OR2AG2: variants seen among roughly 807,000 people sequenced by gnomAD.
OR2AG2 encodes the protein olfactory receptor family 2 subfamily AG member 2, also known as olfactory receptor 2AG2.
For missense variants in OR2AG2, 390 were observed against 391.9 expected, an observed-to-expected ratio of 1.00 and a Z score of 0.04; for synonymous variants, 167 against 157.1, an observed-to-expected ratio of 1.06 and a Z score of -0.47.
Position 6,765,641 on chromosome 11 carries a change from G to C in OR2AG2, c.*2366C>G, listed in dbSNP as rs540956505. On this transcript the variant is annotated 3_prime_UTR_variant, in exon 2 of 2. Transcript: ENST00000641124. ...ATGATCTCATTTATATGCAGAACCT[G>C]TAAGCTGAATTTACAGAAACAGAGA... 1 of 152,200 alleles carries C rather than the reference G, an allele frequency of 6.6e-6. No individual in the cohort carries two copies. The highest frequency in any genetic ancestry group is 2.1e-4 in the South Asian group (1 of 4,818). The allele number at this position is 152,200 out of a possible 1,614,324, so 9.4% of individuals were successfully genotyped here.
chr11:6,768,281 A>G lies in OR2AG2; in HGVS notation c.677T>C (p.Leu226Pro). 1 of 1,614,118 alleles carries G rather than the reference A, an allele frequency of 6.2e-7. No individual in the cohort carries two copies. Among genetic ancestry groups the G allele is most frequent in the East Asian group, 2.2e-5 (1 of 44,848 alleles). The change falls in exon 2 of 2, where the codon CTT becomes CCT. Residue 226 changes from leucine to proline, a missense_variant. By Grantham distance (98) the Leu-to-Pro change is moderately conservative (BLOSUM62 -3). Transcript: ENST00000641124. ...ASYTLVLFTV[L>P]RMPSNEGRKK... ...CCTCCCCTCATTTGATGGCATACGAAGCACAGTGAATAGGACTAGTGTGTA... is the reference window on the plus strand; with the variant it reads ...CCTCCCCTCATTTGATGGCATACGAGGCACAGTGAATAGGACTAGTGTGTA...
At chr11:6,771,191 TG>T (rs1408301884) in intron 1 of OR2AG2, among the ~76,000 whole-genome samples, 1 of 152,260 alleles carries the variant, frequency 6.6e-6, no homozygotes, top group Non-Finnish European at 1.5e-5. Context: ...ATTTATTTTT[TG>T]TATTTACTTC....
rs1479567080 is a variant in OR2AG2, at chr11:6,766,604, T to C, written c.*1403A>G. 6.6e-6 allele frequency: 1 copy of C among 152,168 alleles called. No homozygotes were observed. The highest frequency in any genetic ancestry group is 1.9e-4 in the East Asian group (1 of 5,208). The allele number at this position is 152,168 out of a possible 1,614,324, so 9.4% of individuals were successfully genotyped here. ...ATTGTGTTTTGACAAAGCACTATTC[T>C]CAAGAATAATAACACCTATGTAAGC... On this transcript the variant is annotated 3_prime_UTR_variant, in exon 2 of 2. Transcript: ENST00000641124.
At chr11:6,770,429 G>A (rs573743390) in intron 1 of OR2AG2, among the ~76,000 whole-genome samples, 4 of 152,024 alleles carry the variant, frequency 2.6e-5, no homozygotes, top group Non-Finnish European at 4.4e-5. Flanking sequence ...GGATGGTACC[G>A]TGAAAGTCAG....
Position 6,767,708 on chromosome 11 carries a change from A to T in OR2AG2, c.*299T>A. ...CATGTCTACTTGGTAATGTGTCAGG[A>T]CGATGCCTACCACAGAGTGAGTCTA... On this transcript the variant is annotated 3_prime_UTR_variant, in exon 2 of 2. Transcript: ENST00000641124. The T allele has an allele frequency of 2.8e-6, 1 of 357,354 alleles. No homozygotes were observed. The highest frequency in any genetic ancestry group is 5.0e-6 in the Non-Finnish European group (1 of 198,650). 22.1% of individuals were successfully genotyped at this position (357,354 alleles called of 1,614,324 possible).
chr11:6,769,749 G>A (rs1378812195), intron 1 of OR2AG2, among the ~76,000 whole-genome samples: 1 of 152,106 alleles, frequency 6.6e-6, no homozygotes, highest in Non-Finnish European at 1.5e-5. Flanking sequence ...CGTTACCTGT[G>A]AGCCACAGCA....
Position 6,769,083 on chromosome 11 carries a change from T to G in OR2AG2, c.-126A>C. ...GGCCAATAGGAATCCCATAATATGA[T>G]ATATTTTCCATTTCTTAGTATGCCT... On this transcript the variant is annotated 5_prime_UTR_variant, in exon 2 of 2. Transcript: ENST00000641124. 2 of 610,734 alleles carry G rather than the reference T, an allele frequency of 3.3e-6. No homozygotes were observed. The highest frequency in any genetic ancestry group is 2.8e-6 in the Non-Finnish European group (1 of 357,126). The allele number at this position is 610,734 out of a possible 1,614,324, so 37.8% of individuals were successfully genotyped here.
rs373188362 is a variant in OR2AG2 at position 6,766,966 on chromosome 11, T to C, written c.*1041A>G. 7 of 152,370 alleles carry C rather than the reference T, an allele frequency of 4.6e-5. No homozygotes were observed. Among genetic ancestry groups the C allele is most frequent in the African/African-American group, 1.7e-4 (7 of 41,598 alleles). The allele number at this position is 152,370 out of a possible 1,614,324, so 9.4% of individuals were successfully genotyped here. A position where few individuals can be genotyped will look rare whatever the true frequency, so the allele number is the denominator to read the frequency against. On this transcript the variant is annotated 3_prime_UTR_variant, in exon 2 of 2. Coordinates refer to ENST00000641124, the MANE Select transcript of OR2AG2 (RefSeq NM_001004490.2). ...ACTTTCAATTCTATTTTATTCATTC[T>C]TTATTTTAGTTTTAATTTTAGGCAA...
At chr11:6,770,929 C>A (rs1847440830) in intron 1 of OR2AG2, among the ~76,000 whole-genome samples, 1 of 152,120 alleles carries the variant, frequency 6.6e-6, no homozygotes, top group South Asian at 2.1e-4. Flanking sequence ...TCCCTTCTTT[C>A]CATTTACTGA....
At chr11:6,770,035 A>G (rs1028307917) in intron 1 of OR2AG2, among the ~76,000 whole-genome samples, 4 of 152,180 alleles carry the variant, frequency 2.6e-5, no homozygotes, top group Non-Finnish European at 5.9e-5. Flanking sequence ...ATCTGCACCT[A>G]CTTCTCCAAC....
Position 6,766,470 on chromosome 11 carries a change from T to C in OR2AG2, c.*1537A>G, listed in dbSNP as rs913529146. ...TAATTTTTTTAATTTTCTCAGTTTT[T>C]ATAACAAAGTTGGATTAATTTTATA... On this transcript the variant is annotated 3_prime_UTR_variant, in exon 2 of 2. Transcript: ENST00000641124. 1 of 152,154 alleles carries C rather than the reference T, an allele frequency of 6.6e-6. No homozygotes were observed. The highest frequency in any genetic ancestry group is 1.5e-5 in the Non-Finnish European group (1 of 68,010). 9.4% of individuals were successfully genotyped at this position (152,154 alleles called of 1,614,324 possible). A position where few individuals can be genotyped will look rare whatever the true frequency, so the allele number is the denominator to read the frequency against.
chr11:6,768,446 GAC>G lies in OR2AG2; in HGVS notation c.510_511del (p.Ser171LeufsTer9), dbSNP rs752975480. 5 of 1,614,002 alleles carry G rather than the reference GAC, an allele frequency of 3.1e-6. No individual in the cohort carries two copies. The African/African-American group carries it at 6.7e-5, about 22-fold the overall frequency. The stretch of plus-strand genomic sequence containing the variant: ...ACAGAGCAGATGCCTGATTTCCCAG[GAC>G]ACACAGAAAGGGAGGTGCATAGTGT... On this transcript the variant is annotated frameshift_variant, in exon 2 of 2. Transcript: ENST00000641124. LOFTEE classifies it low-confidence loss of function (END_TRUNC).
chr11:6,767,965 T>C lies in OR2AG2; in HGVS notation c.*42A>G, dbSNP rs1726257355. The C allele has an allele frequency of 3.3e-6, 5 of 1,515,630 alleles. No homozygotes were observed. Among genetic ancestry groups the C allele is most frequent in the Non-Finnish European group, 3.6e-6 (4 of 1,115,556 alleles). The allele number at this position is 1,515,630 out of a possible 1,614,324, so 93.9% of individuals were successfully genotyped here. On this transcript the variant is annotated 3_prime_UTR_variant, in exon 2 of 2. Coordinates refer to ENST00000641124, the MANE Select transcript of OR2AG2 (RefSeq NM_001004490.2). ...GCAGGAATGAGTGAGTAGAGAATTT[T>C]ATCTGGAGGAGGAATGGTGAGAGGC...
At position 6,768,329 on chromosome 11, in the gene OR2AG2, G is replaced by A; in HGVS notation, c.629C>T (p.Pro210Leu). ...GTAGGAGGCCACAATGGCAGAAATGGGGAGCAAGAGGAAAGTCACACCTGT... is the reference window on the plus strand; with the variant it reads ...GTAGGAGGCCACAATGGCAGAAATGAGGAGCAAGAGGAAAGTCACACCTGT... ...YVTGVTFLLL[P>L]ISAIVASYTL... The change falls in exon 2 of 2, where the codon CCC (proline) becomes CTC (leucine). Residue 210 changes from proline (P) to leucine (L), a missense_variant. Coordinates refer to ENST00000641124, the MANE Select transcript of OR2AG2 (RefSeq NM_001004490.2). 6.2e-7 allele frequency: 1 copy of A among 1,613,964 alleles called. No homozygotes were observed. Among genetic ancestry groups the A allele is most frequent in the South Asian group, 1.1e-5 (1 of 91,034 alleles).
rs1183770789 is a variant in OR2AG2 at position 6,767,761 on chromosome 11, T to A, written c.*246A>T. On this transcript the variant is annotated 3_prime_UTR_variant, in exon 2 of 2. Transcript: ENST00000641124. ...ACACCCATTCAAGGCTTTTCCCCCATCTGGTTATTTTTATAACATGGGTTT... is the reference window on the plus strand; with the variant it reads ...ACACCCATTCAAGGCTTTTCCCCCAACTGGTTATTTTTATAACATGGGTTT... 1 of 488,290 alleles carries A rather than the reference T, an allele frequency of 2.0e-6. No individual in the cohort carries two copies. The highest frequency in any genetic ancestry group is 1.9e-5 in the African/African-American group (1 of 51,626). 30.2% of individuals were successfully genotyped at this position (488,290 alleles called of 1,614,324 possible).
At chr11:6,771,315 C>T (rs1448004335) in intron 1 of OR2AG2, among the ~76,000 whole-genome samples, 4 of 152,196 alleles carry the variant, frequency 2.6e-5, no homozygotes, top group Non-Finnish European at 2.9e-5. Flanking sequence ...TGGGGACTCA[C>T]ATCAAACTAC....
chr11:6,771,359 A>T (rs1329605062), intron 1 of OR2AG2, among the ~76,000 whole-genome samples: 2 of 152,192 alleles, frequency 1.3e-5, no homozygotes, highest in Admixed American at 1.3e-4. Context: ...TAACAAAGGT[A>T]AGTACTGAGA....
rs1847418936 is a variant in OR2AG2 at position 6,769,235 on chromosome 11, C to T, written c.-278G>A. The T allele has an allele frequency of 5.6e-6, 2 of 356,818 alleles. No homozygotes were observed. The highest frequency in any genetic ancestry group is 4.1e-5 in the African/African-American group (2 of 48,440). The allele number at this position is 356,818 out of a possible 1,614,324, so 22.1% of individuals were successfully genotyped here. A position where few individuals can be genotyped will look rare whatever the true frequency, so the allele number is the denominator to read the frequency against. ...AGGTATCCTGAAGAATAAGCCCAAGCAAACATCTTTGTAGATAGATGAAAG... is the reference window on the plus strand; with the variant it reads ...AGGTATCCTGAAGAATAAGCCCAAGTAAACATCTTTGTAGATAGATGAAAG... On this transcript the variant is annotated 5_prime_UTR_variant, in exon 2 of 2. Transcript: ENST00000641124.
rs1589991279 is a variant in OR2AG2, at chr11:6,766,252, G to A, written c.*1755C>T. 6.6e-6 allele frequency: 1 copy of A among 152,000 alleles called. No homozygotes were observed. Among genetic ancestry groups the A allele is most frequent in the South Asian group, 2.1e-4 (1 of 4,824 alleles). 9.4% of individuals were successfully genotyped at this position (152,000 alleles called of 1,614,324 possible). A position where few individuals can be genotyped will look rare whatever the true frequency, so the allele number is the denominator to read the frequency against. ...TGCATAGATGACCAAAGGAAGAGAGGGATTCAAATGCGGGCACTCTGGTCT... is the reference window on the plus strand; with the variant it reads ...TGCATAGATGACCAAAGGAAGAGAGAGATTCAAATGCGGGCACTCTGGTCT... On this transcript the variant is annotated 3_prime_UTR_variant, in exon 2 of 2. Coordinates refer to ENST00000641124, the MANE Select transcript of OR2AG2 (RefSeq NM_001004490.2).
Sources: allele counts gnomAD v4.1 joint callset (sites outside exome capture counted in the v4.1 genomes callset), GRCh38; gene constraint gnomAD v4.1.1; transcripts MANE v1.5; gene names NCBI Gene and HGNC (gene_info 2026-07-23, HGNC 2026-07-21).